Variants in FADS2 observed in about 807,000 individuals in gnomAD.
FADS2 encodes fatty acid desaturase 2, also known as acyl-CoA 6-desaturase.
Under a neutral mutation model 61.2 loss-of-function variants are expected in FADS2, and 18 were observed. That is an observed-to-expected ratio of 0.29 (90% confidence interval 0.20 to 0.44). The LOEUF (loss-of-function observed/expected upper bound fraction) is 0.44, where lower values mean the gene tolerates loss of function less well. Ranked by LOEUF, FADS2 falls within the 20% of genes least tolerant of loss-of-function variation. The probability of loss-of-function intolerance (pLI) is 1.00; values close to 1 mark genes in which losing one functional copy is unlikely to be tolerated. For synonymous variants in FADS2, 203 were observed against 223.9 expected (o/e 0.91, Z 0.83); for missense variants, 322 against 572.7 (o/e 0.56, Z 4.47).
At chr11:61,863,149 G>A (rs1462797680) in intron 8 of FADS2, 80 bp downstream of exon 8, 1 of 1,469,782 alleles carries the variant, frequency 6.8e-7, no homozygotes, top group Non-Finnish European at 9.5e-7. Context: ...GGCTCGGACG[G>A]CTCCACTTTG....
chr11:61,830,489 CAG>C lies in FADS2; in HGVS notation c.207+1895_207+1896del, dbSNP rs1480697463. Among the ~76,000 whole-genome samples the C allele has an allele frequency of 2.0e-5, 3 of 152,352 alleles. No homozygotes were observed. In the South Asian group the frequency reaches 6.2e-4, roughly 32 times the overall value. On this transcript the variant is annotated intron_variant, in intron 1 of 11. Coordinates refer to ENST00000278840, the MANE Select transcript of FADS2 (RefSeq NM_004265.4). ...AAATCAGTGCTCACATCTCTCCTAA[CAG>C]AGGACTAGAATGACCTACTCTTCCC...
upstream of FADS2, chr11:61,827,965 A>T: frequency 1.1e-6 from 1 of 893,138 alleles, no homozygotes; most frequent in Non-Finnish European, 1.4e-6. The surrounding 1 kb of genome is among the most constrained non-coding windows in gnomAD (Gnocchi z 4.5). Context: ...GGGCGACGCG[A>T]CCGGATTGGT....
At chr11:61,830,615 C>T (rs1354875674) in intron 1 of FADS2, among the ~76,000 whole-genome samples, 4 of 152,218 alleles carry the variant, frequency 2.6e-5, no homozygotes, top group Non-Finnish European at 5.9e-5. Context: ...AATCTGGTAT[C>T]TTGGATGTTG....
At chr11:61,836,303 G>T (rs1025843501) in intron 1 of FADS2, among the ~76,000 whole-genome samples, 1 of 152,144 alleles carries the variant, frequency 6.6e-6, no homozygotes, top group African/African-American at 2.4e-5. Context: ...TCACCATGTT[G>T]CCCAGGCCGA....
At chr11:61,839,415 C>T (rs1308215660) in intron 2 of FADS2, among the ~76,000 whole-genome samples, 1 of 151,926 alleles carries the variant, frequency 6.6e-6, no homozygotes, top group Non-Finnish European at 1.5e-5. Flanking sequence ...CCTCCGCCTC[C>T]AGGTTCAAGC....
At chr11:61,817,827 A>G (rs560061190) in intron 1 of FADS2, among the ~76,000 whole-genome samples, 14 of 152,244 alleles carry the variant, frequency 9.2e-5, no homozygotes, top group Admixed American at 5.2e-4. Context: ...TATTTATTCA[A>G]CAAACACTTT....
intron 10 of FADS2, 62 bp downstream of exon 10, chr11:61,863,848 C>A: frequency 7.6e-7 from 1 of 1,317,810 alleles, no homozygotes; most frequent in Non-Finnish European, 1.1e-6. Context: ...GCCGCTATCC[C>A]ACTGGGCAGA....
intron 1 of FADS2, 65 bp from the exon 2 acceptor site, chr11:61,837,713 C>T: frequency 8.7e-7 from 1 of 1,152,082 alleles, no homozygotes; most frequent in Admixed American, 2.0e-5. Flanking sequence ...GAGCACTGTC[C>T]TCCTTGGGGC....
intron 4 of FADS2, among the ~76,000 whole-genome samples, chr11:61,841,543 A>C (rs969837904): frequency 7.3e-5 from 11 of 151,256 alleles, no homozygotes; most frequent in Admixed American, 1.3e-4. Context: ...ATCTCTCAAA[A>C]AAAAAAAAGA....
In FADS2 at chr11:61,863,784, C is replaced by T. The variant is rs1234931316; in HGVS notation, c.1155C>T (p.His385=). The change falls in exon 10 of 12, where the codon CAC becomes CAT. Residue 385 remains histidine, a splice_region_variant and synonymous_variant. Transcript: ENST00000278840. The part of the protein sequence containing the change: ...FSGHLNFQIE[H]HLFPTMPRHN... ...GACACCTTAACTTCCAGATTGAGCACCAGTGAGCGCGGGGCTGCGGGGAGG... is the reference window on the plus strand; with the variant it reads ...GACACCTTAACTTCCAGATTGAGCATCAGTGAGCGCGGGGCTGCGGGGAGG... 1.2e-6 allele frequency: 2 copies of T among 1,613,738 alleles called. No individual in the cohort carries two copies. Among genetic ancestry groups the T allele is most frequent in the South Asian group, 1.1e-5 (1 of 91,078 alleles).
At chr11:61,825,694 C>A (rs2067079173), upstream of FADS2, among the ~76,000 whole-genome samples, 1 of 151,516 alleles carries the variant, frequency 6.6e-6, no homozygotes, top group African/African-American at 2.4e-5. Context: ...AGATCGAGAC[C>A]ATCCTGGCTA....
chr11:61,828,161 C>G (rs934328348), upstream of FADS2: 9 of 1,402,668 alleles, frequency 6.4e-6, no homozygotes, highest in Admixed American at 3.1e-5. The surrounding 1 kb of genome is among the most constrained non-coding windows in gnomAD (Gnocchi z 6.4). Context: ...GGAAGGGGAC[C>G]GCTTGGGGGC....
At chr11:61,844,815 C>T (rs2067244048) in intron 4 of FADS2, among the ~76,000 whole-genome samples, 1 of 150,544 alleles carries the variant, frequency 6.6e-6, no homozygotes, top group African/African-American at 2.4e-5. Context: ...GTCCCAGCTG[C>T]TCGGGAGGCT....
chr11:61,865,871 TGCCCTCA>T lies in FADS2; in HGVS notation c.*183_*189del. Reference sequence around the variant, plus strand: ...TCTTCACATCTCCCCCATAGCACCCTGCCCTCATGGGACCTGCCCTCCCTCAGCCGTC... The same window carrying T: ...TCTTCACATCTCCCCCATAGCACCCTTGGGACCTGCCCTCCCTCAGCCGTC... On this transcript the variant is annotated 3_prime_UTR_variant, in exon 12 of 12. Coordinates refer to ENST00000278840, the MANE Select transcript of FADS2 (RefSeq NM_004265.4). The surrounding 1 kb of genome is among the most constrained non-coding windows in gnomAD (Gnocchi z 4.1). The T allele has an allele frequency of 1.7e-6, 1 of 597,674 alleles. No individual in the cohort carries two copies. Among genetic ancestry groups the T allele is most frequent in the Non-Finnish European group, 3.0e-6 (1 of 335,428 alleles). 37.0% of individuals were successfully genotyped at this position (597,674 alleles called of 1,614,324 possible).
rs2067461959 is a variant in FADS2 at position 61,865,666 on chromosome 11, C to T, written c.1312C>T (p.Leu438=). The T allele has an allele frequency of 6.2e-7, 1 of 1,612,540 alleles. No homozygotes were observed. The highest frequency in any genetic ancestry group is 8.5e-7 in the Non-Finnish European group (1 of 1,179,464). The change falls in exon 12 of 12, where the codon CTG becomes TTG. Residue 438 remains leucine (L), a synonymous_variant. Transcript: ENST00000278840. This position sits in a 1 kb window ranked among gnomAD's most constrained non-coding sequence, Gnocchi z 4.1. ...CCTGAAGAAGTCTGGGAAGCTGTGG[C>T]TGGACGCCTACCTTCACAAATGAAG... ...RSLKKSGKLW[L]DAYLHK
At position 61,837,787 on chromosome 11, in the gene FADS2, C is replaced by T. The variant is rs769154001; in HGVS notation, c.217C>T (p.Arg73Cys). The T allele has an allele frequency of 2.0e-5, 32 of 1,611,104 alleles. No homozygotes were observed. The highest frequency in any genetic ancestry group is 7.7e-5 in the South Asian group (7 of 90,364). ...YAGEDATDAFRAFHPDLEFVG... is the reference protein window; with the variant it reads ...YAGEDATDAFCAFHPDLEFVG... ...GCCCTCTGCTCTCCAGGATGCCTTCCGCGCCTTCCACCCTGACCTGGAATT... is the reference window on the plus strand; with the variant it reads ...GCCCTCTGCTCTCCAGGATGCCTTCTGCGCCTTCCACCCTGACCTGGAATT... Residue 73 changes from arginine (R) to cysteine (C), a missense_variant, in exon 2 of 12, where the codon CGC becomes TGC. Physicochemically the swap from Arg to Cys is radical, Grantham distance 180. This residue lies in a region of FADS2 where 61 missense variants were observed against 107.4 expected (regional missense o/e 0.57). Coordinates refer to ENST00000278840, the MANE Select transcript of FADS2 (RefSeq NM_004265.4).
chr11:61,831,907 G>A (rs187545310), intron 1 of FADS2, among the ~76,000 whole-genome samples: 42 of 152,292 alleles, frequency 2.8e-4, no homozygotes, highest in Admixed American at 1.6e-3. Context: ...CCCTAAGAGC[G>A]TGTCTGCTCT....
At chr11:61,863,636 G>A (rs1387891498) in intron 9 of FADS2, 71 bp from the exon 10 acceptor site, 7 of 1,352,918 alleles carry the variant, frequency 5.2e-6, no homozygotes, top group Non-Finnish European at 7.4e-6. Flanking sequence ...GGTAAGGCTG[G>A]GCCCCCTGGG....
At chr11:61,833,409 A>G (rs2067145221) in intron 1 of FADS2, among the ~76,000 whole-genome samples, 1 of 152,262 alleles carries the variant, frequency 6.6e-6, no homozygotes, top group Non-Finnish European at 1.5e-5. Flanking sequence ...CGTTTGAGAC[A>G]CATTTATGGC....
Sources: allele counts gnomAD v4.1 joint callset (sites outside exome capture counted in the v4.1 genomes callset), GRCh38; gene constraint gnomAD v4.1.1; regional missense constraint gnomAD v4.1.1; non-coding constraint Gnocchi (gnomAD v3.1); transcripts MANE v1.5; gene names NCBI Gene and HGNC (gene_info 2026-07-23, HGNC 2026-07-21).